SLC12A1: variants seen among roughly 807,000 people sequenced by gnomAD.
SLC12A1 encodes Na-K-2Cl cotransporter.
Under a neutral mutation model 130.4 loss-of-function variants are expected in SLC12A1, and 89 were observed. The observed-to-expected ratio is 0.68, with a 90% confidence interval of 0.58 to 0.81. The LOEUF is 0.81. Ranked by LOEUF, SLC12A1 falls within the 40% of genes least tolerant of loss-of-function variation. The pLI is 0.00. For missense variants in SLC12A1, 1,310 were observed against 1,336.4 expected, an observed-to-expected ratio of 0.98 and a Z score of 0.31; for synonymous variants, 499 against 460.0, an observed-to-expected ratio of 1.08 and a Z score of -1.09.
rs2041703243 is a variant in SLC12A1, at chr15:48,255,967, T to C, written c.2042+57T>C. On this transcript the variant is annotated intron_variant, in intron 16 of 26. Coordinates refer to ENST00000380993, the MANE Select transcript of SLC12A1 (RefSeq NM_000338.3). The stretch of plus-strand genomic sequence containing the variant: ...TTTCCACCCTAGAAGTGGCTCTCCT[T>C]TATAAGAGACAAGGGCATTCAAGTA... 3.8e-6 allele frequency: 4 copies of C among 1,047,896 alleles called. No homozygotes were observed. The Admixed American group carries it at 7.9e-5, about 21-fold the overall frequency. The allele number at this position is 1,047,896 out of a possible 1,614,324, so 64.9% of individuals were successfully genotyped here.
intron 24 of SLC12A1, 41 bp from the exon 25 acceptor site, chr15:48,299,099 A>G: frequency 1.3e-6 from 2 of 1,560,556 alleles, no homozygotes; most frequent in Non-Finnish European, 1.7e-6. Flanking sequence ...ATAATGAGTT[A>G]GTTTCCCACT....
Position 48,291,676 on chromosome 15 carries a change from A to G in SLC12A1, c.2874-102A>G. The G allele has an allele frequency of 8.1e-6, 6 of 739,280 alleles. No homozygotes were observed. In the South Asian group the frequency reaches 9.6e-5, roughly 12 times the overall value. 45.8% of individuals were successfully genotyped at this position (739,280 alleles called of 1,614,324 possible). A position where few individuals can be genotyped will look rare whatever the true frequency, so the allele number is the denominator to read the frequency against. On this transcript the variant is annotated intron_variant, in intron 23 of 26. Transcript: ENST00000380993. ...GCCTCTGTCTGAAAGCTAAGCTGAA[A>G]TAAGACGTGATTGCTTTTGATATCT...
At chr15:48,250,972 G>A (rs566538791) in intron 14 of SLC12A1, among the ~76,000 whole-genome samples, 2 of 152,212 alleles carry the variant, frequency 1.3e-5, no homozygotes, top group Admixed American at 6.5e-5. Flanking sequence ...ACGCACGTGC[G>A]CACTGTGAGA....
intron 26 of SLC12A1, 45 bp downstream of exon 26, chr15:48,301,427 A>G: frequency 7.5e-7 from 1 of 1,334,192 alleles, no homozygotes; most frequent in Non-Finnish European, 1.0e-6. Flanking sequence ...AATAAATCTT[A>G]GGGTTAATGG....
Position 48,220,808 on chromosome 15 carries a change from A to G in SLC12A1, c.552+43A>G, listed in dbSNP as rs375602199. ...TTTACAAATGAAAACTATCCATTCA[A>G]TGTTCTAGTGGATTAAGAGTGAACA... On this transcript the variant is annotated intron_variant, in intron 3 of 26. Transcript: ENST00000380993. 1.9e-6 allele frequency: 3 copies of G among 1,613,496 alleles called. No homozygotes were observed. In the African/African-American group the frequency reaches 4.0e-5, roughly 22 times the overall value.
At chr15:48,264,636 T>C (rs2041812073) in intron 17 of SLC12A1, among the ~76,000 whole-genome samples, 1 of 152,104 alleles carries the variant, frequency 6.6e-6, no homozygotes, top group Non-Finnish European at 1.5e-5. Flanking sequence ...TATGGTAAGA[T>C]AATATGGACC....
At chr15:48,242,869 A>T (rs1181432828) in intron 10 of SLC12A1, among the ~76,000 whole-genome samples, 2 of 152,004 alleles carry the variant, frequency 1.3e-5, no homozygotes, top group Non-Finnish European at 2.9e-5. Flanking sequence ...ATGTAAAGAG[A>T]TTTTTTTTGT....
At chr15:48,262,590 T>C (rs1247303393) in intron 17 of SLC12A1, among the ~76,000 whole-genome samples, 1 of 152,194 alleles carries the variant, frequency 6.6e-6, no homozygotes. Flanking sequence ...AGATTTCAAG[T>C]GAGCAACTCT....
chr15:48,219,865 C>A (rs1393429442), intron 2 of SLC12A1, among the ~76,000 whole-genome samples: 2 of 151,826 alleles, frequency 1.3e-5, no homozygotes, highest in Non-Finnish European at 2.9e-5. Context: ...CCAGCCTGGG[C>A]AACATGGCAA....
rs751435780 is a variant in SLC12A1 at position 48,259,280 on chromosome 15, G to A, written c.2123G>A (p.Ser708Asn). ...ATAACTCACGCCTTTACCAAGAACA[G>A]TGGCCTTTGCATCTGCTGTGAAGTC... ...LDITHAFTKN[S>N]GLCICCEVFV... Residue 708 changes from serine (S) to asparagine (N), a missense_variant, in exon 17 of 27, where the codon AGT becomes AAT. Ser to Asn is a conservative substitution (Grantham distance 46). Coordinates refer to ENST00000380993, the MANE Select transcript of SLC12A1 (RefSeq NM_000338.3). 3.7e-6 allele frequency: 6 copies of A among 1,613,726 alleles called. No individual in the cohort carries two copies. In the South Asian group the frequency reaches 4.4e-5, roughly 12 times the overall value.
At chr15:48,280,263 A>G (rs151159693) in intron 20 of SLC12A1, among the ~76,000 whole-genome samples, 2 of 152,346 alleles carry the variant, frequency 1.3e-5, no homozygotes, top group African/African-American at 4.8e-5. Flanking sequence ...TGGGTACCAT[A>G]TAATCGATTT....
At position 48,240,049 on chromosome 15, in the gene SLC12A1, CCATATATATATATATATATA is replaced by C. The variant is rs1567316897; in HGVS notation, c.1216-1465_1216-1446del. 1.3e-3 allele frequency among the ~76,000 whole-genome samples: 5 copies of C among 3,984 alleles called. 1 individual carries two copies. Among genetic ancestry groups the C allele is most frequent in the African/African-American group, 1.8e-3 (5 of 2,758 alleles). 2.6% of individuals were successfully genotyped at this position (3,984 alleles called of 152,430 possible). A position where few individuals can be genotyped will look rare whatever the true frequency, so the allele number is the denominator to read the frequency against. ...TATATCCATATATATATATATATAT[CCATATATATATATATATATA>C]TCCATATATATATATATATATCCAT... On this transcript the variant is annotated intron_variant, in intron 9 of 26. Transcript: ENST00000380993.
chr15:48,269,822 A>G (rs546359193), intron 19 of SLC12A1, 58 bp downstream of exon 19: 2 of 930,646 alleles, frequency 2.1e-6, no homozygotes, highest in Non-Finnish European at 3.5e-6. Flanking sequence ...AGGGCAGTAC[A>G]TAACTTGTAC....
chr15:48,232,765 T>G lies in SLC12A1; in HGVS notation c.1014T>G (p.Ile338Met). The change falls in exon 8 of 27, where the codon ATT becomes ATG. Residue 338 changes from isoleucine (I) to methionine (M), a missense_variant. By Grantham distance (10) the Ile-to-Met change is conservative (BLOSUM62 1). Transcript: ENST00000380993. Reference protein sequence around the residue: ...VILLVILLIAIANFFIGTVIP... With the variant: ...VILLVILLIAMANFFIGTVIP... ...TTCTGGTCATTCTTCTAATTGCTATTGCAAACTTCTTCATTGGAACTGTCA... is the reference window on the plus strand; with the variant it reads ...TTCTGGTCATTCTTCTAATTGCTATGGCAAACTTCTTCATTGGAACTGTCA... 2.5e-6 allele frequency: 4 copies of G among 1,613,496 alleles called. No homozygotes were observed. The highest frequency in any genetic ancestry group is 3.4e-6 in the Non-Finnish European group (4 of 1,179,370).
intron 2 of SLC12A1, chr15:48,217,973 AT>A (rs10711930): frequency 0.98 from 148,405 of 152,116 alleles, 72,477 homozygotes; most frequent in Middle Eastern, 1. Context: ...CACGCAGGTA[AT>A]TTTTTTTCTA....
intron 2 of SLC12A1, among the ~76,000 whole-genome samples, chr15:48,214,526 T>C (rs1328574999): frequency 2.0e-5 from 3 of 152,202 alleles, no homozygotes; most frequent in African/African-American, 7.2e-5. Context: ...CCATTGGTAG[T>C]GATTTATAGG....
chr15:48,240,593 CTTTG>C (rs2041504979), intron 9 of SLC12A1, among the ~76,000 whole-genome samples: 1 of 152,072 alleles, frequency 6.6e-6, no homozygotes, highest in Non-Finnish European at 1.5e-5. Flanking sequence ...AAAGCACAAA[CTTTG>C]TTTGACTGCA....
chr15:48,207,329 A>G (rs1027427701), intron 1 of SLC12A1, among the ~76,000 whole-genome samples: 6 of 152,182 alleles, frequency 3.9e-5, no homozygotes, highest in Non-Finnish European at 7.4e-5. Flanking sequence ...ACTGCATTGG[A>G]AGTTCTGTTT....
In SLC12A1 at chr15:48,207,773, C is replaced by T; in HGVS notation, c.54C>T (p.Thr18=). 6.2e-7 allele frequency: 1 copy of T among 1,612,038 alleles called. No individual in the cohort carries two copies. The change falls in exon 2 of 27, where the codon ACC becomes ACT. Residue 18 remains threonine, a synonymous_variant. Transcript: ENST00000380993. ...TTCTGGATTCAGTGCCCAGTAATAC[C>T]AATCGCTTTCAAGTTAGTGTCATAA... ...NVFLDSVPSN[T]NRFQVSVINE...
Sources: allele counts gnomAD v4.1 joint callset (sites outside exome capture counted in the v4.1 genomes callset), GRCh38; gene constraint gnomAD v4.1.1; transcripts MANE v1.5; gene names NCBI Gene and HGNC (gene_info 2026-07-23, HGNC 2026-07-21).